The following ITGA2 variants were observed in gnomAD, a reference collection of about 807,000 sequenced individuals.
ITGA2 encodes the protein integrin alpha-2.
ITGA2 carries 101 observed loss-of-function variants against 146.3 expected under a neutral mutation model. The ratio of observed to expected loss-of-function variants is 0.69; its 90% CI spans 0.59 to 0.81. The LOEUF is 0.81. Among genes scored for constraint, ITGA2 ranks in the 40% least tolerant of loss-of-function variants. The pLI is 0.00. For missense variants in ITGA2, 1,281 were observed against 1,402.7 expected, an observed-to-expected ratio of 0.91 and a Z score of 1.39; for synonymous variants, 477 against 487.1, an observed-to-expected ratio of 0.98 and a Z score of 0.27.
intron 26 of ITGA2, among the ~76,000 whole-genome samples, chr5:53,082,809 A>G (rs148931873): frequency 1.3e-3 from 192 of 152,254 alleles, no homozygotes; most frequent in African/African-American, 4.2e-3. Context: ...TCACTGCCCT[A>G]CACATCATAT....
chr5:53,026,608 A>T, intron 1 of ITGA2, 140 bp from the exon 2 acceptor site: 1 of 729,036 alleles, frequency 1.4e-6, no homozygotes, highest in South Asian at 1.7e-5. Context: ...AAAAAGCAGT[A>T]GTTATTTTTT....
intron 16 of ITGA2, 96 bp downstream of exon 16, chr5:53,067,353 A>C: frequency 7.2e-7 from 1 of 1,380,406 alleles, no homozygotes; most frequent in Non-Finnish European, 1.0e-6. Flanking sequence ...CAAGAGAAAT[A>C]AGGGTTTTAG....
At chr5:53,045,672 TA>T (rs534660610) in intron 4 of ITGA2, among the ~76,000 whole-genome samples, 3 of 151,514 alleles carry the variant, frequency 2.0e-5, no homozygotes, top group Non-Finnish European at 2.9e-5. Context: ...AAAGTTAATA[TA>T]AAAAAACTAG....
chr5:53,086,993 CA>C lies in ITGA2; in HGVS notation c.3302del (p.Asn1101ThrfsTer9). On this transcript the variant is annotated frameshift_variant, in exon 28 of 30. Transcript: ENST00000296585. LOFTEE classifies it high-confidence loss of function. ...TACAGCTAACGGCAGCTGCAGAAATCAACACCTATAACCCTGAGATATATGT... is the reference window on the plus strand; with the variant it reads ...TACAGCTAACGGCAGCTGCAGAAATCACACCTATAACCCTGAGATATATGT... The part of the protein sequence containing the change: ...TVQLTAAAEI[N>X]TYNPEIYVIE... 6.2e-7 allele frequency: 1 copy of C among 1,613,846 alleles called. No homozygotes were observed. The highest frequency in any genetic ancestry group is 8.5e-7 in the Non-Finnish European group (1 of 1,179,836).
At chr5:53,055,408 C>A in intron 7 of ITGA2, 130 bp from the exon 8 acceptor site, 1 of 785,156 alleles carries the variant, frequency 1.3e-6, no homozygotes. Context: ...AATATGTCCT[C>A]AGAATTAATA....
At position 53,085,364 on chromosome 5, in the gene ITGA2, C is replaced by A. The variant is rs779469720; in HGVS notation, c.3259-1588C>A. Reference sequence around the variant, plus strand: ...TTGAACGCTAGCAGGTGCGTTACTTCACTCTCCAGATGTGTGTGGCATGCT... The same window carrying A: ...TTGAACGCTAGCAGGTGCGTTACTTAACTCTCCAGATGTGTGTGGCATGCT... On this transcript the variant is annotated intron_variant, in intron 27 of 29. Transcript: ENST00000296585. 1.2e-3 allele frequency among the ~76,000 whole-genome samples: 185 copies of A among 152,296 alleles called. 2 individuals carry two copies. Among genetic ancestry groups the A allele is most frequent in the Admixed American group, 2.5e-3 (38 of 15,298 alleles).
At chr5:53,047,107 T>C (rs532063886) in intron 4 of ITGA2, among the ~76,000 whole-genome samples, 1 of 152,328 alleles carries the variant, frequency 6.6e-6, no homozygotes, top group African/African-American at 2.4e-5. Flanking sequence ...AACTATGCCT[T>C]GTTCATTGCA....
chr5:53,021,900 A>G (rs1184549378), intron 1 of ITGA2, among the ~76,000 whole-genome samples: 1 of 151,898 alleles, frequency 6.6e-6, no homozygotes, highest in African/African-American at 2.4e-5. Context: ...CTTAACCTGA[A>G]TTTCTTCCTA....
chr5:53,079,783 A>G (rs1014008512), intron 24 of ITGA2, among the ~76,000 whole-genome samples: 2 of 152,176 alleles, frequency 1.3e-5, no homozygotes, highest in Non-Finnish European at 2.9e-5. Context: ...AGTGTGTAAT[A>G]AGTATACACC....
chr5:53,027,753 G>A (rs1161506881), intron 2 of ITGA2, among the ~76,000 whole-genome samples: 5 of 152,164 alleles, frequency 3.3e-5, no homozygotes, highest in African/African-American at 7.2e-5. Flanking sequence ...TCTTTTCAGT[G>A]ATTAAATGGG....
intron 1 of ITGA2, among the ~76,000 whole-genome samples, chr5:53,002,555 A>G (rs190643603): frequency 6.6e-6 from 1 of 152,298 alleles, no homozygotes; most frequent in East Asian, 1.9e-4. Context: ...TATATTTATA[A>G]CTTTAATGCA....
At chr5:53,008,198 G>T (rs1316233365) in intron 1 of ITGA2, among the ~76,000 whole-genome samples, 1 of 151,478 alleles carries the variant, frequency 6.6e-6, no homozygotes, top group African/African-American at 2.4e-5. Context: ...GGTTGGTGTT[G>T]GTTTCTACTG....
chr5:53,078,893 A>C lies in ITGA2; in HGVS notation c.2928+19A>C, dbSNP rs1745781871. 1.5e-6 allele frequency: 2 copies of C among 1,345,352 alleles called. No homozygotes were observed. Among genetic ancestry groups the C allele is most frequent in the Non-Finnish European group, 2.1e-6 (2 of 935,866 alleles). The allele number at this position is 1,345,352 out of a possible 1,614,324, so 83.3% of individuals were successfully genotyped here. ...CCTGAAGGTTGGTAAGCCTGTCATAAGGATGGCAAATCCAGGAGAAAGTGA... is the reference window on the plus strand; with the variant it reads ...CCTGAAGGTTGGTAAGCCTGTCATACGGATGGCAAATCCAGGAGAAAGTGA... On this transcript the variant is annotated intron_variant, in intron 24 of 29. Transcript: ENST00000296585.
At chr5:53,051,289 A>C in intron 6 of ITGA2, 122 bp from the exon 7 acceptor site, 1 of 952,982 alleles carries the variant, frequency 1.0e-6, no homozygotes, top group Non-Finnish European at 1.6e-6. Context: ...ACAAAGTTGG[A>C]AGTGATGCCT....
Position 53,072,770 on chromosome 5 carries a change from T to G in ITGA2, c.2429+75T>G, listed in dbSNP as rs1745462829. The G allele has an allele frequency of 2.5e-6, 3 of 1,208,126 alleles. No individual in the cohort carries two copies. In the African/African-American group the frequency reaches 4.6e-5, roughly 18 times the overall value. The allele number at this position is 1,208,126 out of a possible 1,614,324, so 74.8% of individuals were successfully genotyped here. A position where few individuals can be genotyped will look rare whatever the true frequency, so the allele number is the denominator to read the frequency against. On this transcript the variant is annotated intron_variant, in intron 19 of 29. Transcript: ENST00000296585. ...CTAGATTACTTTATTCAAACGAATGTTTATAGAGTTTTTCTACAAAAGAAA... is the reference window on the plus strand; with the variant it reads ...CTAGATTACTTTATTCAAACGAATGGTTATAGAGTTTTTCTACAAAAGAAA...
At chr5:53,061,516 A>T (rs1017921966) in intron 12 of ITGA2, among the ~76,000 whole-genome samples, 2 of 151,980 alleles carry the variant, frequency 1.3e-5, no homozygotes, top group South Asian at 2.1e-4. Flanking sequence ...GAACTTTTAC[A>T]TCTGAACCTG....
At position 53,048,365 on chromosome 5, in the gene ITGA2, A is replaced by T; in HGVS notation, c.390A>T (p.Thr130=). The T allele has an allele frequency of 6.2e-7, 1 of 1,612,220 alleles. No homozygotes were observed. The highest frequency in any genetic ancestry group is 8.5e-7 in the Non-Finnish European group (1 of 1,178,258). ...TRNMGTGGFL[T]CGPLWAQQCG... ...ATTGTTTTCTCATTTCTTTGAAGACATGTGGTCCTCTGTGGGCACAGCAAT... is the reference window on the plus strand; with the variant it reads ...ATTGTTTTCTCATTTCTTTGAAGACTTGTGGTCCTCTGTGGGCACAGCAAT... The change falls in exon 5 of 30, where the codon ACA becomes ACT. Residue 130 remains threonine (T), a splice_region_variant and synonymous_variant. Transcript: ENST00000296585.
At chr5:53,001,260 T>A (rs1477762502) in intron 1 of ITGA2, among the ~76,000 whole-genome samples, 1 of 152,170 alleles carries the variant, frequency 6.6e-6, no homozygotes, top group Non-Finnish European at 1.5e-5. Context: ...GCAGTGGCAG[T>A]GTGATGACCA....
intron 1 of ITGA2, among the ~76,000 whole-genome samples, chr5:52,991,550 C>T (rs1198440769): frequency 6.6e-6 from 1 of 151,934 alleles, no homozygotes; most frequent in African/African-American, 2.4e-5. Context: ...TAAGAGAAAA[C>T]CTGTTCCTTG....
Sources: allele counts gnomAD v4.1 joint callset (sites outside exome capture counted in the v4.1 genomes callset), GRCh38; gene constraint gnomAD v4.1.1; transcripts MANE v1.5; gene names NCBI Gene and HGNC (gene_info 2026-07-23, HGNC 2026-07-21).